Variants in TMEM120B observed in about 807,000 individuals in gnomAD.
The protein encoded by TMEM120B is transmembrane protein 120B.
In TMEM120B, 31 loss-of-function variants were observed where a neutral mutation model predicts 55.5. The observed-to-expected ratio is 0.56, with a 90% CI of 0.42 to 0.75. TMEM120B has a LOEUF of 0.75. TMEM120B is among the 30% of genes least tolerant of loss of function. The probability of loss-of-function intolerance (pLI) is 0.00; values close to 1 mark genes in which losing one functional copy is unlikely to be tolerated. For synonymous variants in TMEM120B, 203 were observed against 176.3 expected, an observed-to-expected ratio of 1.15 and a Z score of -1.20; for missense variants, 399 against 425.5, an observed-to-expected ratio of 0.94 and a Z score of 0.55.
At chr12:121,773,610 G>A (rs1874136409) in intron 9 of TMEM120B, 97 bp downstream of exon 9, 4 of 904,016 alleles carry the variant, frequency 4.4e-6, no homozygotes, top group Middle Eastern at 3.6e-4. Flanking sequence ...CCATACAGCG[G>A]AGCCAGGCCG....
At chr12:121,730,442 C>A (rs1464036205) in intron 1 of TMEM120B, among the ~76,000 whole-genome samples, 7 of 147,306 alleles carry the variant, frequency 4.8e-5, no homozygotes, top group African/African-American at 1.8e-4. Flanking sequence ...GTCAGGAGAT[C>A]GAGACCATCC....
At position 121,781,468 on chromosome 12, in the gene TMEM120B, C is replaced by T. The variant is rs891759449; in HGVS notation, c.*5746C>T. The T allele has an allele frequency of 1.0e-5, 4 of 389,636 alleles. No homozygotes were observed. The highest frequency in any genetic ancestry group is 1.9e-5 in the Non-Finnish European group (4 of 208,952). 24.1% of individuals were successfully genotyped at this position (389,636 alleles called of 1,614,324 possible). ...CCTGGGTGACAGAGCGAGACCCTGT[C>T]TCTTAACAACAAAACCCATGAGCGG... On this transcript the variant is annotated 3_prime_UTR_variant, in exon 12 of 12. Transcript: ENST00000449592.
At chr12:121,721,929 C>T (rs1180742728) in intron 1 of TMEM120B, among the ~76,000 whole-genome samples, 4 of 150,070 alleles carry the variant, frequency 2.7e-5, no homozygotes, top group East Asian at 1.9e-4. Flanking sequence ...CTGCCTCAGC[C>T]TCCTGAGTAG....
rs28651018 is a variant in TMEM120B, at chr12:121,748,362, C to G, written c.225C>G (p.Leu75=). Residue 75 remains leucine, a synonymous_variant, in exon 3 of 12, where the codon CTC becomes CTG. Coordinates refer to ENST00000449592, the MANE Select transcript of TMEM120B (RefSeq NM_001080825.2). ...ATGCCAGTCGGGAGGAGGCGGAGCTCGTTCAGCAGATGGCAGCGAACATCA... is the reference window on the plus strand; with the variant it reads ...ATGCCAGTCGGGAGGAGGCGGAGCTGGTTCAGCAGATGGCAGCGAACATCA... ...KRHASREEAE[L]VQQMAANIKE... 2 of 1,610,500 alleles carry G rather than the reference C, an allele frequency of 1.2e-6. No individual in the cohort carries two copies. Among genetic ancestry groups the G allele is most frequent in the East Asian group, 2.2e-5 (1 of 44,818 alleles).
chr12:121,726,684 T>G (rs933023410), intron 1 of TMEM120B, among the ~76,000 whole-genome samples: 4 of 151,018 alleles, frequency 2.6e-5, no homozygotes, highest in Admixed American at 1.3e-4. Flanking sequence ...GTAGGTGGAT[T>G]GCCTGAGGTC....
At chr12:121,730,078 G>A (rs1894968550) in intron 1 of TMEM120B, among the ~76,000 whole-genome samples, 1 of 151,584 alleles carries the variant, frequency 6.6e-6, no homozygotes, top group South Asian at 2.1e-4. Context: ...GGCCAACATG[G>A]TGAAACCCCG....
At chr12:121,765,742 C>T (rs1383597780) in intron 6 of TMEM120B, among the ~76,000 whole-genome samples, 1 of 152,220 alleles carries the variant, frequency 6.6e-6, no homozygotes, top group African/African-American at 2.4e-5. Flanking sequence ...ATACTTGTGA[C>T]TCATCTTCCA....
At position 121,775,792 on chromosome 12, in the gene TMEM120B, CCT is replaced by C; in HGVS notation, c.*74_*75del. 6.5e-7 allele frequency: 1 copy of C among 1,528,830 alleles called. No individual in the cohort carries two copies. The allele number at this position is 1,528,830 out of a possible 1,614,324, so 94.7% of individuals were successfully genotyped here. ...GGCTCCCGGGCTCCTTCCCAGCAGC[CCT>C]CTCAGGCCCGTGGCATCGCTGGGAG... On this transcript the variant is annotated 3_prime_UTR_variant, in exon 12 of 12. Coordinates refer to ENST00000449592, the MANE Select transcript of TMEM120B (RefSeq NM_001080825.2). This position sits in a 1 kb window ranked among gnomAD's most constrained non-coding sequence, Gnocchi z 4.3.
At chr12:121,767,154 G>T (rs1328915494) in intron 6 of TMEM120B, among the ~76,000 whole-genome samples, 8 of 151,750 alleles carry the variant, frequency 5.3e-5, no homozygotes, top group Non-Finnish European at 1.2e-4. Flanking sequence ...CTCCTGCAAG[G>T]TTTCTTTTTT....
intron 1 of TMEM120B, among the ~76,000 whole-genome samples, chr12:121,739,341 C>G (rs2137101576): frequency 6.6e-6 from 1 of 152,188 alleles, no homozygotes; most frequent in East Asian, 1.9e-4. Flanking sequence ...ATAAAAGAGA[C>G]AGTTAGCAAA....
At chr12:121,742,617 A>G (rs1335134222) in intron 1 of TMEM120B, among the ~76,000 whole-genome samples, 1 of 151,954 alleles carries the variant, frequency 6.6e-6, no homozygotes, top group Admixed American at 6.6e-5. Context: ...ACGGAGTTTC[A>G]TACTTTCGCC....
At chr12:121,726,963 G>A (rs1199773557) in intron 1 of TMEM120B, among the ~76,000 whole-genome samples, 4 of 142,114 alleles carry the variant, frequency 2.8e-5, no homozygotes, top group South Asian at 2.4e-4. Flanking sequence ...GGTGGCTCAC[G>A]CCTGTAATCC....
intron 5 of TMEM120B, among the ~76,000 whole-genome samples, chr12:121,753,945 C>T (rs1350949139): frequency 6.6e-6 from 1 of 152,234 alleles, no homozygotes; most frequent in African/African-American, 2.4e-5. Context: ...CGTCCAAGTG[C>T]AGCACAGCCA....
intron 4 of TMEM120B, among the ~76,000 whole-genome samples, chr12:121,750,895 CCACACCCACACCCCA>C: frequency 8.0e-6 from 1 of 124,728 alleles, no homozygotes; most frequent in Non-Finnish European, 1.7e-5. Context: ...ACCCCACATC[CCACACCCACACCCCA>C]CACCCCACAC....
rs745579126 is a variant in TMEM120B, at chr12:121,779,711, C to T, written c.*3989C>T. On this transcript the variant is annotated 3_prime_UTR_variant, in exon 12 of 12. Transcript: ENST00000449592. Reference sequence around the variant, plus strand: ...TTAGGTGAGGGGCCCCTGGAGGTCTCCTAGCACCACCTGGTGGGTTTGGGA... The same window carrying T: ...TTAGGTGAGGGGCCCCTGGAGGTCTTCTAGCACCACCTGGTGGGTTTGGGA... The T allele has an allele frequency of 1.9e-6, 3 of 1,598,072 alleles. No homozygotes were observed.
At chr12:121,758,566 C>T (rs1268195869) in intron 5 of TMEM120B, 10 of 980,214 alleles carry the variant, frequency 1.0e-5, no homozygotes, top group East Asian at 1.2e-4. Context: ...TGGAGGAGGA[C>T]GGCCCAGCCC....
At chr12:121,724,191 C>T (rs1467450268) in intron 1 of TMEM120B, among the ~76,000 whole-genome samples, 1 of 151,992 alleles carries the variant, frequency 6.6e-6, no homozygotes, top group Admixed American at 6.6e-5. Context: ...GCACCGGCCA[C>T]CACACCCAGC....
At chr12:121,736,928 C>G (rs1015679194) in intron 1 of TMEM120B, among the ~76,000 whole-genome samples, 1 of 152,024 alleles carries the variant, frequency 6.6e-6, no homozygotes, top group African/African-American at 2.4e-5. Flanking sequence ...GGAGTGACTA[C>G]CTGGGACTTG....
chr12:121,736,019 T>C (rs1895103511), intron 1 of TMEM120B, among the ~76,000 whole-genome samples: 1 of 151,998 alleles, frequency 6.6e-6, no homozygotes, highest in Non-Finnish European at 1.5e-5. Context: ...AAAGTGTTAC[T>C]ACCTAAGGAC....
Sources: gnomAD v4.1 joint callset for allele counts (sites outside exome capture counted in the v4.1 genomes callset) on GRCh38, gnomAD v4.1.1 for gene constraint, Gnocchi (gnomAD v3.1) non-coding constraint, MANE v1.5 for transcripts, NCBI Gene and HGNC (gene_info 2026-07-23, HGNC 2026-07-21) for gene names.